Variants in GRIN2A observed in about 807,000 individuals in gnomAD.
The protein encoded by GRIN2A is glutamate ionotropic receptor NMDA type subunit 2A, also known as glutamate receptor ionotropic, NMDA 2A.
In GRIN2A, 22 loss-of-function variants were observed where a neutral mutation model predicts 113.4. The observed-to-expected ratio is 0.19, with a 90% CI of 0.14 to 0.28. GRIN2A has a LOEUF of 0.28. GRIN2A is among the 10% of genes least tolerant of loss of function. The pLI, the probability that GRIN2A is intolerant of heterozygous loss-of-function variation, is 1.00. For synonymous variants in GRIN2A, 827 were observed against 738.4 expected (o/e 1.12, Z -1.94); for missense variants, 1,502 against 1,887.0 (o/e 0.80, Z 3.78).
intron 2 of GRIN2A, among the ~76,000 whole-genome samples, chr16:10,095,541 A>G (rs1482755709): frequency 1.3e-5 from 2 of 152,232 alleles, no homozygotes; most frequent in East Asian, 1.9e-4. Flanking sequence ...ACATCAATGG[A>G]TGCTAAAGCT....
intron 2 of GRIN2A, among the ~76,000 whole-genome samples, chr16:10,131,867 G>C (rs953219886): frequency 2.0e-4 from 31 of 152,234 alleles, no homozygotes; most frequent in African/African-American, 7.5e-4. Flanking sequence ...ATTATTATTA[G>C]CATGTTATTA....
intron 2 of GRIN2A, among the ~76,000 whole-genome samples, chr16:10,091,486 AC>A (rs2048183874): frequency 1.3e-5 from 2 of 151,230 alleles, no homozygotes; most frequent in African/African-American, 4.9e-5. Context: ...ACACACACAC[AC>A]ACACAAACAC....
chr16:9,858,838 C>T (rs2043012671), intron 4 of GRIN2A, among the ~76,000 whole-genome samples: 1 of 152,040 alleles, frequency 6.6e-6, no homozygotes, highest in South Asian at 2.1e-4. Flanking sequence ...AGGGATGTTG[C>T]CAAGGCTGCA....
intron 2 of GRIN2A, among the ~76,000 whole-genome samples, chr16:10,161,247 T>G (rs1264583421): frequency 1.3e-5 from 2 of 152,196 alleles, no homozygotes; most frequent in African/African-American, 4.8e-5. Context: ...TCCTTGCTGC[T>G]GCCATATGAA....
At chr16:9,917,195 A>G (rs2044269672) in intron 3 of GRIN2A, among the ~76,000 whole-genome samples, 1 of 152,162 alleles carries the variant, frequency 6.6e-6, no homozygotes, top group Non-Finnish European at 1.5e-5. Flanking sequence ...TGTTCCTTCC[A>G]TCCTTCACGT....
At chr16:10,009,246 C>T (rs1490353362) in intron 2 of GRIN2A, among the ~76,000 whole-genome samples, 1 of 152,216 alleles carries the variant, frequency 6.6e-6, no homozygotes, top group Non-Finnish European at 1.5e-5. Context: ...TTGCTAGACA[C>T]ATACAGATGC....
At chr16:10,175,253 A>G (rs1391913945) in intron 2 of GRIN2A, among the ~76,000 whole-genome samples, 2 of 152,246 alleles carry the variant, frequency 1.3e-5, no homozygotes, top group Non-Finnish European at 2.9e-5. Context: ...GAAGCAACGC[A>G]TGACTATACA....
Position 9,797,510 on chromosome 16 carries a change from G to T in GRIN2A, c.2356+767C>A, listed in dbSNP as rs187800836. ...CAAGCGGCTTTACAGTTCTATAAAT[G>T]CCACAGTCTCATTAGACTGCAATAG... On this transcript the variant is annotated intron_variant, in intron 11 of 12. Transcript: ENST00000330684. Among the ~76,000 whole-genome samples the T allele has an allele frequency of 9.1e-4, 139 of 152,286 alleles. 1 individual carries two copies. The highest frequency in any genetic ancestry group is 2.9e-3 in the African/African-American group (122 of 41,568).
chr16:10,147,906 C>T (rs753175005), intron 2 of GRIN2A, among the ~76,000 whole-genome samples: 3 of 152,168 alleles, frequency 2.0e-5, no homozygotes, highest in African/African-American at 4.8e-5. Context: ...GGTGTGGCCA[C>T]GACGGTGCTA....
rs150284760 is a variant in GRIN2A at position 10,013,929 on chromosome 16, C to T, written c.415-75378G>A. On this transcript the variant is annotated intron_variant, in intron 2 of 12. Transcript: ENST00000330684. ...TCTTGCTCAAGCGTCACTTCCTCAA[C>T]GAAGCCGTCTCAGACCAGCTACCAG... Among the ~76,000 whole-genome samples, 192 of 152,334 alleles carry T rather than the reference C, an allele frequency of 1.3e-3. 1 individual carries two copies. The highest frequency in any genetic ancestry group is 5.1e-3 in the Admixed American group (78 of 15,304).
chr16:9,853,491 C>T (rs1278554262), intron 4 of GRIN2A, among the ~76,000 whole-genome samples: 1 of 152,152 alleles, frequency 6.6e-6, no homozygotes, highest in Admixed American at 6.5e-5. Flanking sequence ...CAGCTCTCAC[C>T]AGACGCTAAA....
At chr16:9,845,873 T>C (rs1337547675) in intron 5 of GRIN2A, among the ~76,000 whole-genome samples, 2 of 152,234 alleles carry the variant, frequency 1.3e-5, no homozygotes, top group Non-Finnish European at 2.9e-5. Context: ...TTCTTCCTGG[T>C]CGAATTGTTT....
At chr16:9,777,785 C>T (rs537671704) in intron 11 of GRIN2A, among the ~76,000 whole-genome samples, 44 of 152,316 alleles carry the variant, frequency 2.9e-4, no homozygotes, top group Non-Finnish European at 4.4e-4. Context: ...CAACTCTGGC[C>T]GGGTGCAGTG....
At chr16:10,148,143 A>T (rs1432698777) in intron 2 of GRIN2A, among the ~76,000 whole-genome samples, 1 of 152,190 alleles carries the variant, frequency 6.6e-6, no homozygotes, top group Non-Finnish European at 1.5e-5. Flanking sequence ...AGGAATTGGC[A>T]AACTACAGCC....
intron 2 of GRIN2A, among the ~76,000 whole-genome samples, chr16:10,114,531 C>T (rs1255178477): frequency 6.6e-6 from 1 of 152,198 alleles, no homozygotes; most frequent in Non-Finnish European, 1.5e-5. Context: ...GAAGATGTAT[C>T]TTCTGTGTCC....
chr16:9,774,174 A>T (rs1365358290), intron 11 of GRIN2A, among the ~76,000 whole-genome samples: 2 of 152,160 alleles, frequency 1.3e-5, no homozygotes, highest in Non-Finnish European at 2.9e-5. Context: ...CCCATTACCC[A>T]TCCACCCACT....
intron 2 of GRIN2A, among the ~76,000 whole-genome samples, chr16:10,118,748 T>C (rs965644901): frequency 1.2e-4 from 19 of 152,316 alleles, no homozygotes; most frequent in African/African-American, 4.1e-4. Context: ...AAGTGTCCTA[T>C]GTGAACAGGA....
At chr16:10,128,068 C>CT (rs2048982984) in intron 2 of GRIN2A, among the ~76,000 whole-genome samples, 1 of 152,180 alleles carries the variant, frequency 6.6e-6, no homozygotes, top group South Asian at 2.1e-4. Context: ...CGCCAAGGCT[C>CT]AGTGAGCTTC....
At chr16:10,057,728 GT>G (rs1301836304) in intron 2 of GRIN2A, among the ~76,000 whole-genome samples, 2 of 152,170 alleles carry the variant, frequency 1.3e-5, no homozygotes, top group Non-Finnish European at 1.5e-5. Flanking sequence ...AGGACAGGGA[GT>G]CCACTGAAGA....
Sources: allele counts gnomAD v4.1 joint callset (sites outside exome capture counted in the v4.1 genomes callset), GRCh38; gene constraint gnomAD v4.1.1; transcripts MANE v1.5; gene names NCBI Gene and HGNC (gene_info 2026-07-23, HGNC 2026-07-21).